The following TMEM71 variants were observed in gnomAD, a reference collection of about 807,000 sequenced individuals.
The protein encoded by TMEM71 is transmembrane protein 71.
In TMEM71, 44 loss-of-function variants were observed where a neutral mutation model predicts 38.0. That is an observed-to-expected ratio of 1.16 (90% confidence interval 0.91 to 1.49). The LOEUF (loss-of-function observed/expected upper bound fraction) is 1.49, where lower values mean the gene tolerates loss of function less well. Ranked by LOEUF, TMEM71 falls within the 40% of genes most tolerant of loss-of-function variation. The pLI, the probability that TMEM71 is intolerant of heterozygous loss-of-function variation, is 0.00. For synonymous variants in TMEM71, 133 were observed against 122.5 expected, an observed-to-expected ratio of 1.09 and a Z score of -0.56; for missense variants, 367 against 348.6, an observed-to-expected ratio of 1.05 and a Z score of -0.42.
intron 7 of TMEM71, 124 bp downstream of exon 7, chr8:132,721,916 C>T: frequency 1.2e-6 from 1 of 821,900 alleles, no homozygotes; most frequent in Non-Finnish European, 2.1e-6. Flanking sequence ...TGGACAGACA[C>T]ATGAACGAAT....
chr8:132,758,424 G>A (rs1481265260), intron 2 of TMEM71: 1 of 176,724 alleles, frequency 5.7e-6, no homozygotes, highest in East Asian at 1.8e-4. Flanking sequence ...GGGAGAGTTA[G>A]AAGTGGGGTT....
intron 5 of TMEM71, among the ~76,000 whole-genome samples, chr8:132,741,805 C>T (rs376698034): frequency 2.2e-4 from 34 of 152,266 alleles, no homozygotes; most frequent in East Asian, 1.5e-3. Context: ...TAACTGTGGG[C>T]GAGCCTGACT....
rs184659533 is a variant in TMEM71, at chr8:132,747,189, A to T, written c.315-75T>A. On this transcript the variant is annotated intron_variant, in intron 4 of 9. Transcript: ENST00000677595. Reference sequence around the variant, plus strand: ...TTCAAAACTGTGATTTGAAGCGCAGAGTACATTTCTACAACCCAAGTCTGC... The same window carrying T: ...TTCAAAACTGTGATTTGAAGCGCAGTGTACATTTCTACAACCCAAGTCTGC... 371 of 1,310,402 alleles carry T rather than the reference A, an allele frequency of 2.8e-4. 5 individuals carry two copies. In the East Asian group the frequency reaches 7.1e-3, roughly 25 times the overall value. 81.2% of individuals were successfully genotyped at this position (1,310,402 alleles called of 1,614,324 possible).
chr8:132,764,724 G>A (rs1020197651), upstream of TMEM71, among the ~76,000 whole-genome samples: 1 of 152,150 alleles, frequency 6.6e-6, no homozygotes, highest in Admixed American at 6.5e-5. Flanking sequence ...CCCAGACCAG[G>A]TTATGGATCC....
chr8:132,726,449 C>T (rs534292992), intron 6 of TMEM71, among the ~76,000 whole-genome samples: 1 of 152,212 alleles, frequency 6.6e-6, no homozygotes, highest in Admixed American at 6.5e-5. Flanking sequence ...AATAACTTCA[C>T]ATTTACTGAG....
At chr8:132,721,818 G>T (rs1387771097) in intron 7 of TMEM71, among the ~76,000 whole-genome samples, 1 of 152,102 alleles carries the variant, frequency 6.6e-6, no homozygotes, top group Non-Finnish European at 1.5e-5. Context: ...TTACAGGCAT[G>T]AGCCACCGTG....
At chr8:132,720,090 G>A (rs912253803) in intron 7 of TMEM71, among the ~76,000 whole-genome samples, 3 of 152,062 alleles carry the variant, frequency 2.0e-5, no homozygotes, top group Admixed American at 6.5e-5. Context: ...AGACCACAGA[G>A]GTAAAGTGCC....
chr8:132,742,650 G>T (rs544516679), intron 5 of TMEM71, among the ~76,000 whole-genome samples: 1 of 152,196 alleles, frequency 6.6e-6, no homozygotes, highest in South Asian at 2.1e-4. Context: ...ACAGTGGCTG[G>T]CACATAGCAC....
intron 2 of TMEM71, chr8:132,758,516 T>C (rs1208653939): frequency 4.2e-6 from 1 of 239,620 alleles, no homozygotes; most frequent in Non-Finnish European, 8.1e-6. Flanking sequence ...CAAGTAGCTA[T>C]CAAAATCATT....
upstream of TMEM71, among the ~76,000 whole-genome samples, chr8:132,762,198 T>C (rs1829309337): frequency 6.6e-6 from 1 of 152,236 alleles, no homozygotes; most frequent in Non-Finnish European, 1.5e-5. Context: ...TCCTGTAGAA[T>C]ATAGTCACAT....
At chr8:132,736,066 A>G (rs568399025) in intron 5 of TMEM71, among the ~76,000 whole-genome samples, 1 of 152,308 alleles carries the variant, frequency 6.6e-6, no homozygotes, top group African/African-American at 2.4e-5. Context: ...AATGTTAGAG[A>G]ATCTGACAGC....
At chr8:132,736,595 C>A (rs1007048890) in intron 5 of TMEM71, among the ~76,000 whole-genome samples, 4 of 151,754 alleles carry the variant, frequency 2.6e-5, no homozygotes, top group Non-Finnish European at 5.9e-5. Flanking sequence ...ATTGGGAAGC[C>A]AAGGAGGGCA....
At chr8:132,758,366 T>G in intron 2 of TMEM71, 1 of 160,874 alleles carries the variant, frequency 6.2e-6, no homozygotes, top group Non-Finnish European at 1.4e-5. Flanking sequence ...AATTTAGACT[T>G]TCAGATTGGG....
chr8:132,752,887 GGA>G (rs1828804233), intron 3 of TMEM71, among the ~76,000 whole-genome samples: 3 of 134,228 alleles, frequency 2.2e-5, no homozygotes, highest in Non-Finnish European at 4.8e-5. Flanking sequence ...AAGGAAGGAA[GGA>G]ATCACATGGC....
At chr8:132,739,671 T>C (rs1827937058) in intron 5 of TMEM71, among the ~76,000 whole-genome samples, 1 of 152,190 alleles carries the variant, frequency 6.6e-6, no homozygotes, top group Non-Finnish European at 1.5e-5. Context: ...TGAACTTCAG[T>C]TTTATCATAA....
chr8:132,760,049 A>G (rs959015212), intron 1 of TMEM71, among the ~76,000 whole-genome samples: 4 of 152,180 alleles, frequency 2.6e-5, no homozygotes, highest in Admixed American at 6.5e-5. Flanking sequence ...ACCTTATTTT[A>G]GTGTTCCCCA....
intron 4 of TMEM71, among the ~76,000 whole-genome samples, chr8:132,749,068 TTTA>T (rs573058741): frequency 1.6e-3 from 247 of 152,326 alleles, no homozygotes; most frequent in African/African-American, 5.6e-3. Context: ...ATAAATTTAT[TTTA>T]TTTTTTTATA....
At position 132,714,227 on chromosome 8, in the gene TMEM71, A is replaced by G; in HGVS notation, c.753-12T>C. 1 of 1,604,782 alleles carries G rather than the reference A, an allele frequency of 6.2e-7. No homozygotes were observed. The highest frequency in any genetic ancestry group is 8.5e-7 in the Non-Finnish European group (1 of 1,173,222). On this transcript the variant is annotated splice_polypyrimidine_tract_variant and intron_variant, in intron 7 of 9. Transcript: ENST00000677595. ...CTCCCATAAACCATCTGAAACAACA[A>G]GATTGCTCTGATTTAGCATACTAAT...
At position 132,729,558 on chromosome 8, in the gene TMEM71, C is replaced by T. The variant is rs140845526; in HGVS notation, c.488-1572G>A. On this transcript the variant is annotated intron_variant, in intron 5 of 9. Coordinates refer to ENST00000677595, the MANE Select transcript of TMEM71 (RefSeq NM_001382403.1). ...CTAAGCTGACATCTAAAAGGGACTGCACATGCCCAACAAATGTACTTTTCT... is the reference window on the plus strand; with the variant it reads ...CTAAGCTGACATCTAAAAGGGACTGTACATGCCCAACAAATGTACTTTTCT... 3.0e-3 allele frequency among the ~76,000 whole-genome samples: 457 copies of T among 152,274 alleles called. 2 individuals are homozygous for T. The highest frequency in any genetic ancestry group is 0.01 in the African/African-American group (430 of 41,540).
Sources: gnomAD v4.1 joint callset for allele counts (sites outside exome capture counted in the v4.1 genomes callset) on GRCh38, gnomAD v4.1.1 for gene constraint, MANE v1.5 for transcripts, NCBI Gene and HGNC (gene_info 2026-07-23, HGNC 2026-07-21) for gene names.